Variants in NXPE2 observed in about 807,000 individuals in gnomAD.
The protein encoded by NXPE2 is NXPE family member 2.
A neutral mutation model predicts 34.4 loss-of-function variants in NXPE2; 34 were observed. That is an observed-to-expected ratio of 0.99 (90% confidence interval 0.75 to 1.31). NXPE2 has a LOEUF of 1.31. NXPE2 is among the 40% of genes most tolerant of loss of function. NXPE2 has a pLI of 0.00. For synonymous variants in NXPE2, 235 were observed against 231.3 expected (o/e 1.02, Z -0.15); for missense variants, 649 against 672.5 (o/e 0.97, Z 0.39).
the NXPE2 span, among the ~76,000 whole-genome samples, chr11:114,540,954 A>G: frequency 2.1e-5 from 3 of 140,838 alleles, no homozygotes; most frequent in Admixed American, 7.8e-5. Context: ...ATCCCAGAAC[A>G]GAGGCAGAGA....
chr11:114,640,966 G>A, the NXPE2 span, among the ~76,000 whole-genome samples: 2 of 151,942 alleles, frequency 1.3e-5, no homozygotes, highest in Non-Finnish European at 2.9e-5. Flanking sequence ...AACACATAGA[G>A]CAAGAATTAG....
the NXPE2 span, among the ~76,000 whole-genome samples, chr11:114,718,770 CAG>C: frequency 2.0e-5 from 3 of 152,108 alleles, no homozygotes; most frequent in African/African-American, 7.2e-5. Context: ...ATGTTTGAGG[CAG>C]AGAGAGGGAG....
At chr11:114,787,065 C>G in the NXPE2 span, among the ~76,000 whole-genome samples, 1 of 152,194 alleles carries the variant, frequency 6.6e-6, no homozygotes, top group Admixed American at 6.5e-5. Context: ...AGCTCCCTGG[C>G]CTCTTCTCCC....
At chr11:114,702,651 A>C (rs1367766343) in intron 3 of NXPE2, among the ~76,000 whole-genome samples, 1 of 152,186 alleles carries the variant, frequency 6.6e-6, no homozygotes, top group Non-Finnish European at 1.5e-5. Context: ...AAATTTAGGC[A>C]TATTAAATAG....
the NXPE2 span, among the ~76,000 whole-genome samples, chr11:114,740,487 T>C: frequency 1.3e-5 from 2 of 152,140 alleles, no homozygotes; most frequent in African/African-American, 2.4e-5. Context: ...TACCCAGAAG[T>C]GGGATTGTTG....
the NXPE2 span, among the ~76,000 whole-genome samples, chr11:114,673,118 A>G: frequency 6.7e-6 from 1 of 149,108 alleles, no homozygotes; most frequent in African/African-American, 2.4e-5. Flanking sequence ...AATTGAAATC[A>G]TGCGAAGTAT....
the NXPE2 span, among the ~76,000 whole-genome samples, chr11:114,568,689 C>T: frequency 1.3e-5 from 2 of 152,138 alleles, no homozygotes; most frequent in Non-Finnish European, 2.9e-5. Flanking sequence ...TTTTGTCTCA[C>T]GGCTGCCTCC....
chr11:114,775,887 A>G, the NXPE2 span, among the ~76,000 whole-genome samples: 169 of 147,830 alleles, frequency 1.1e-3, no homozygotes, highest in African/African-American at 4.2e-3. Flanking sequence ...AACGAAAAAA[A>G]AAAACAAAAA....
At chr11:114,572,842 A>G in the NXPE2 span, among the ~76,000 whole-genome samples, 1 of 152,214 alleles carries the variant, frequency 6.6e-6, no homozygotes, top group Non-Finnish European at 1.5e-5. Context: ...CTAGACATCC[A>G]AATACAAGCA....
chr11:114,649,082 C>T, the NXPE2 span, among the ~76,000 whole-genome samples: 3 of 151,944 alleles, frequency 2.0e-5, no homozygotes, highest in African/African-American at 7.2e-5. Context: ...TTATCCTCCA[C>T]TACCATTCCA....
In NXPE2 at chr11:114,698,109, A is replaced by G; in HGVS notation, c.197A>G (p.His66Arg). 1 of 1,611,568 alleles carries G rather than the reference A, an allele frequency of 6.2e-7. No individual in the cohort carries two copies. Among genetic ancestry groups the G allele is most frequent in the Non-Finnish European group, 8.5e-7 (1 of 1,178,660 alleles). ...GGGAACATCTTCAAAAAATATTCAC[A>G]CTCTGAAACACCACTGTGTCCAGCA... is the stretch of plus-strand genomic sequence containing the variant. ...NQGNIFKKYS[H>R]SETPLCPAVS... The change falls in exon 3 of 6, where the codon CAC becomes CGC. Residue 66 changes from histidine (H) to arginine (R), a missense_variant. His to Arg is a conservative substitution (Grantham distance 29). Coordinates refer to ENST00000389586, the MANE Select transcript of NXPE2 (RefSeq NM_182495.6).
chr11:114,807,674 G>A, the NXPE2 span, among the ~76,000 whole-genome samples: 13 of 151,470 alleles, frequency 8.6e-5, no homozygotes, highest in African/African-American at 2.9e-4. Flanking sequence ...CAATACAGGA[G>A]CACCCAGATT....
the NXPE2 span, among the ~76,000 whole-genome samples, chr11:114,467,526 CTGG>C: frequency 1.9e-3 from 289 of 152,182 alleles, no homozygotes; most frequent in African/African-American, 6.8e-3. Flanking sequence ...TAAATGAGCC[CTGG>C]AAATAGGGAA....
At chr11:114,695,054 G>T (rs1353458284) in intron 2 of NXPE2, among the ~76,000 whole-genome samples, 1 of 152,016 alleles carries the variant, frequency 6.6e-6, no homozygotes, top group Admixed American at 6.6e-5. Flanking sequence ...ACTGAGATAG[G>T]CCTTTAGTGT....
At chr11:114,641,062 C>A in the NXPE2 span, among the ~76,000 whole-genome samples, 1 of 151,802 alleles carries the variant, frequency 6.6e-6, no homozygotes, top group Non-Finnish European at 1.5e-5. Flanking sequence ...GAAAGAAGAA[C>A]CAGTTGAAGT....
chr11:114,709,861 C>T (rs1470259815), downstream of NXPE2, among the ~76,000 whole-genome samples: 2 of 151,176 alleles, frequency 1.3e-5, no homozygotes, highest in African/African-American at 4.9e-5. Flanking sequence ...AAGATCATGC[C>T]ATTTCATTCC....
the NXPE2 span, among the ~76,000 whole-genome samples, chr11:114,648,863 GATATA>G: frequency 5.3e-5 from 8 of 152,022 alleles, no homozygotes; most frequent in Non-Finnish European, 7.4e-5. Context: ...TAGTCAAAAT[GATATA>G]ATATAAAGTG....
chr11:114,771,203 C>T, the NXPE2 span, among the ~76,000 whole-genome samples: 1 of 151,694 alleles, frequency 6.6e-6, no homozygotes, highest in Non-Finnish European at 1.5e-5. Flanking sequence ...TATTTGCAGA[C>T]TGACTTCATT....
chr11:114,711,044 C>A (rs530096819), downstream of NXPE2, among the ~76,000 whole-genome samples: 4 of 152,078 alleles, frequency 2.6e-5, no homozygotes, highest in Non-Finnish European at 5.9e-5. Flanking sequence ...ATTTAACATC[C>A]TTTCATGATA....
Sources: gnomAD v4.1 joint callset for allele counts (sites outside exome capture counted in the v4.1 genomes callset) on GRCh38, gnomAD v4.1.1 for gene constraint, MANE v1.5 for transcripts, NCBI Gene and HGNC (gene_info 2026-07-23, HGNC 2026-07-21) for gene names.